CDC73: variants seen among roughly 807,000 people sequenced by gnomAD.
CDC73 encodes cell division cycle 73, also known as parafibromin.
CDC73 carries 21 observed loss-of-function variants against 83.7 expected under a neutral mutation model. The observed-to-expected ratio is 0.25, with a 90% CI of 0.18 to 0.36. The LOEUF is 0.36. CDC73 is among the 10% of genes least tolerant of loss of function. The pLI is 1.00. For synonymous variants in CDC73, 224 were observed against 212.9 expected (o/e 1.05, Z -0.45); for missense variants, 342 against 653.3 (o/e 0.52, Z 5.19).
intron 15 of CDC73, among the ~76,000 whole-genome samples, chr1:193,237,270 G>C (rs1677777691): frequency 6.6e-6 from 1 of 151,796 alleles, no homozygotes; most frequent in Non-Finnish European, 1.5e-5. Context: ...TTTTTCCTTA[G>C]AAAATACCCA....
chr1:193,169,305 G>A (rs1346774301), intron 10 of CDC73, among the ~76,000 whole-genome samples: 2 of 152,210 alleles, frequency 1.3e-5, no homozygotes, highest in African/African-American at 2.4e-5. Context: ...AGCACTTGGG[G>A]AGGCCAAGGC....
At chr1:193,160,784 T>A (rs1676295741) in intron 10 of CDC73, among the ~76,000 whole-genome samples, 2 of 152,090 alleles carry the variant, frequency 1.3e-5, no homozygotes, top group Non-Finnish European at 2.9e-5. Flanking sequence ...TGACAGATGT[T>A]TTAAATCAAT....
chr1:193,200,672 T>A (rs1374719783), intron 10 of CDC73, among the ~76,000 whole-genome samples: 1 of 152,222 alleles, frequency 6.6e-6, no homozygotes, highest in East Asian at 1.9e-4. Context: ...GGGTAGTGTT[T>A]TTTCTTCCAA....
intron 10 of CDC73, among the ~76,000 whole-genome samples, chr1:193,195,782 A>T (rs1458470179): frequency 6.6e-6 from 1 of 152,068 alleles, no homozygotes; most frequent in Non-Finnish European, 1.5e-5. Flanking sequence ...ATTTTCATGC[A>T]CTTATTAGCC....
chr1:193,138,411 A>G (rs987892028), intron 6 of CDC73, among the ~76,000 whole-genome samples: 2 of 152,208 alleles, frequency 1.3e-5, no homozygotes, highest in Non-Finnish European at 2.9e-5. Context: ...AAATTGCGTT[A>G]TAAGCTGAGA....
chr1:193,136,227 T>TACAAAACATA (rs1675797694), intron 5 of CDC73, among the ~76,000 whole-genome samples: 1 of 152,214 alleles, frequency 6.6e-6, no homozygotes, highest in Non-Finnish European at 1.5e-5. Context: ...GATGTGGCTA[T>TACAAAACATA]GTTTCTATAA....
In CDC73 at chr1:193,154,598, A is replaced by C. The variant is rs189299563; in HGVS notation, c.972+2154A>C. Among the ~76,000 whole-genome samples the C allele has an allele frequency of 8.5e-5, 13 of 152,314 alleles. No individual in the cohort carries two copies. The East Asian group carries it at 2.5e-3, about 29-fold the overall frequency. On this transcript the variant is annotated intron_variant, in intron 10 of 16. Transcript: ENST00000367435. ...CATTGTGTAGGAATGCAACAGAAAG[A>C]CTAAAAATGGTTAAATTGCTGATAG...
intron 10 of CDC73, among the ~76,000 whole-genome samples, chr1:193,167,072 A>G (rs901387753): frequency 2.6e-5 from 4 of 152,156 alleles, no homozygotes; most frequent in Admixed American, 6.5e-5. Flanking sequence ...TTCATTAACT[A>G]TGTAATTGGG....
rs571048845 is a variant in CDC73 at position 193,131,215 on chromosome 1, C to G, written c.307+972C>G. Reference sequence around the variant, plus strand: ...ATTCCCTCTTTCCCTTCTGCCCTCACACAGAACAAAAACAAGTCTGTTGTT... The same window carrying G: ...ATTCCCTCTTTCCCTTCTGCCCTCAGACAGAACAAAAACAAGTCTGTTGTT... On this transcript the variant is annotated intron_variant, in intron 3 of 16. Coordinates refer to ENST00000367435, the MANE Select transcript of CDC73 (RefSeq NM_024529.5). 1.4e-4 allele frequency among the ~76,000 whole-genome samples: 21 copies of G among 152,146 alleles called. No homozygotes were observed. In the South Asian group the frequency reaches 1.7e-3, roughly 12 times the overall value.
At chr1:193,195,660 G>C (rs1211419950) in intron 10 of CDC73, among the ~76,000 whole-genome samples, 1 of 151,584 alleles carries the variant, frequency 6.6e-6, no homozygotes. Context: ...ATTTATACTT[G>C]TTACTTTCTT....
intron 10 of CDC73, among the ~76,000 whole-genome samples, chr1:193,175,482 G>A (rs1005617647): frequency 2.0e-5 from 3 of 152,094 alleles, no homozygotes; most frequent in Admixed American, 1.3e-4. Context: ...GACACAGTTG[G>A]CACTTCATAT....
In CDC73 at chr1:193,183,305, C is replaced by T. The variant is rs1676750890; in HGVS notation, c.973-20490C>T. 2.6e-5 allele frequency among the ~76,000 whole-genome samples: 4 copies of T among 151,114 alleles called. No individual in the cohort carries two copies. In the South Asian group the frequency reaches 8.4e-4, roughly 32 times the overall value. ...CACCAGCGTTTGAAATTTCTAGTTT[C>T]TGAGATTACAGAGTACTTTTAGAAG... On this transcript the variant is annotated intron_variant, in intron 10 of 16. Coordinates refer to ENST00000367435, the MANE Select transcript of CDC73 (RefSeq NM_024529.5).
intron 10 of CDC73, among the ~76,000 whole-genome samples, chr1:193,203,198 A>G (rs1489768412): frequency 2.0e-5 from 3 of 152,144 alleles, no homozygotes; most frequent in Admixed American, 2.0e-4. Flanking sequence ...ATTTCCATGT[A>G]CATCTTACAT....
At chr1:193,126,585 C>G (rs1467409461) in intron 2 of CDC73, among the ~76,000 whole-genome samples, 1 of 152,050 alleles carries the variant, frequency 6.6e-6, no homozygotes, top group Non-Finnish European at 1.5e-5. Context: ...GAGCTTTTCC[C>G]TCAGATTATT....
chr1:193,245,572 A>G (rs551329654), intron 15 of CDC73, among the ~76,000 whole-genome samples: 1 of 152,186 alleles, frequency 6.6e-6, no homozygotes, highest in Admixed American at 6.5e-5. Flanking sequence ...TGTTAATAGG[A>G]CTGTGAATAG....
intron 5 of CDC73, chr1:193,136,608 G>GT (rs1279488967): frequency 4.8e-6 from 1 of 207,780 alleles, no homozygotes; most frequent in Non-Finnish European, 1.2e-5. Flanking sequence ...AGTTCCTGAG[G>GT]TTTGAAGAAC....
chr1:193,200,079 C>A (rs906073666), intron 10 of CDC73, among the ~76,000 whole-genome samples: 59 of 140,320 alleles, frequency 4.2e-4, no homozygotes, highest in African/African-American at 9.8e-4. Context: ...AAAAAAAAAA[C>A]AAAAAACAAA....
intron 13 of CDC73, among the ~76,000 whole-genome samples, chr1:193,218,927 G>A (rs1443046229): frequency 6.6e-6 from 1 of 152,134 alleles, no homozygotes; most frequent in African/African-American, 2.4e-5. Context: ...AAACCAAAAA[G>A]CTTCTGCCCA....
At chr1:193,202,592 T>C (rs1295661480) in intron 10 of CDC73, among the ~76,000 whole-genome samples, 1 of 150,162 alleles carries the variant, frequency 6.7e-6, no homozygotes, top group Non-Finnish European at 1.5e-5. Flanking sequence ...GGAAAAAGGA[T>C]ATTTTGCTGT....
Sources: gnomAD v4.1 joint callset for allele counts (sites outside exome capture counted in the v4.1 genomes callset) on GRCh38, gnomAD v4.1.1 for gene constraint, MANE v1.5 for transcripts, NCBI Gene and HGNC (gene_info 2026-07-23, HGNC 2026-07-21) for gene names.